The following GRM8 variants were observed in gnomAD, a reference collection of about 807,000 sequenced individuals.
GRM8 encodes metabotropic glutamate receptor 8.
A neutral mutation model predicts 87.2 loss-of-function variants in GRM8; 47 were observed. The ratio of observed to expected loss-of-function variants is 0.54; its 90% CI spans 0.43 to 0.69. The LOEUF (loss-of-function observed/expected upper bound fraction) is 0.69. Ranked by LOEUF, GRM8 falls within the 30% of genes least tolerant of loss-of-function variation. GRM8 has a pLI of 0.00. For synonymous variants in GRM8, 396 were observed against 404.5 expected, an observed-to-expected ratio of 0.98 and a Z score of 0.25; for missense variants, 1,019 against 1,139.2, an observed-to-expected ratio of 0.89 and a Z score of 1.52.
At chr7:126,667,936 C>T (rs972589567) in intron 7 of GRM8, among the ~76,000 whole-genome samples, 3 of 152,214 alleles carry the variant, frequency 2.0e-5, no homozygotes, top group Admixed American at 6.5e-5. Flanking sequence ...ACTTTTGCTT[C>T]GACCTTTATC....
In GRM8 at chr7:126,474,249, C is replaced by T. The variant is rs529595027; in HGVS notation, c.2431-27877G>A. Among the ~76,000 whole-genome samples, 132 of 144,080 alleles carry T rather than the reference C, an allele frequency of 9.2e-4. 1 individual carries two copies. The highest frequency in any genetic ancestry group is 3.5e-3 in the African/African-American group (129 of 36,452). 94.5% of individuals were successfully genotyped at this position (144,080 alleles called of 152,430 possible). A position where few individuals can be genotyped will look rare whatever the true frequency, so the allele number is the denominator to read the frequency against. On this transcript the variant is annotated intron_variant, in intron 9 of 10. Transcript: ENST00000339582. ...GTACACACATTCATATATGTTTGTG[C>T]ATGTGTGTGTGTGTGTGTGTATATA...
At chr7:127,093,608 C>T (rs954236409) in intron 3 of GRM8, among the ~76,000 whole-genome samples, 42 of 152,200 alleles carry the variant, frequency 2.8e-4, no homozygotes, top group African/African-American at 9.7e-4. Flanking sequence ...ATCTGAGCTG[C>T]TACAAGAGAG....
rs774664975 is a variant in GRM8, at chr7:126,717,843, TAAC to T, written c.1357+52019_1357+52021del. Among the ~76,000 whole-genome samples, 47 of 152,314 alleles carry T rather than the reference TAAC, an allele frequency of 3.1e-4. No individual in the cohort carries two copies. In the South Asian group the frequency reaches 7.0e-3, roughly 23 times the overall value. On this transcript the variant is annotated intron_variant, in intron 7 of 10. Coordinates refer to ENST00000339582, the MANE Select transcript of GRM8 (RefSeq NM_000845.3). ...AGAAACCGTGCTAAGAACATAAATTTAACATCATCTAAACTCTTTGCTTATTTC... is the reference window on the plus strand; with the variant it reads ...AGAAACCGTGCTAAGAACATAAATTTATCATCTAAACTCTTTGCTTATTTC...
At chr7:127,102,215 T>C (rs995503024) in intron 3 of GRM8, among the ~76,000 whole-genome samples, 4 of 152,172 alleles carry the variant, frequency 2.6e-5, no homozygotes, top group Non-Finnish European at 5.9e-5. Flanking sequence ...CTGCAACTTA[T>C]ATTTAAAAGG....
At chr7:127,212,178 A>T (rs1222700365) in intron 2 of GRM8, among the ~76,000 whole-genome samples, 2 of 152,184 alleles carry the variant, frequency 1.3e-5, no homozygotes, top group Non-Finnish European at 2.9e-5. Flanking sequence ...TATATTTTCA[A>T]TTCTATTACT....
chr7:126,901,920 C>T (rs1438518864), intron 6 of GRM8, among the ~76,000 whole-genome samples: 3 of 151,706 alleles, frequency 2.0e-5, no homozygotes, highest in Non-Finnish European at 4.4e-5. Context: ...CTGCTCAGTT[C>T]TAAGTAACTC....
chr7:126,564,291 G>A (rs1473450267), intron 8 of GRM8, among the ~76,000 whole-genome samples: 1 of 152,148 alleles, frequency 6.6e-6, no homozygotes, highest in Non-Finnish European at 1.5e-5. Flanking sequence ...AGTTGAAGCT[G>A]AACTCAACTC....
chr7:126,975,446 T>G (rs1287866461), intron 3 of GRM8, among the ~76,000 whole-genome samples: 1 of 152,206 alleles, frequency 6.6e-6, no homozygotes, highest in Non-Finnish European at 1.5e-5. Context: ...TAGGCTTCTA[T>G]TTTCCGTCTT....
intron 3 of GRM8, among the ~76,000 whole-genome samples, chr7:126,999,848 A>G (rs531355867): frequency 9.2e-5 from 14 of 151,866 alleles, no homozygotes; most frequent in Non-Finnish European, 1.8e-4. Context: ...AAAACTGAAA[A>G]TAGAGTGACT....
intron 9 of GRM8, among the ~76,000 whole-genome samples, chr7:126,450,619 G>T (rs1028614555): frequency 1.1e-4 from 16 of 147,918 alleles, no homozygotes; most frequent in African/African-American, 3.9e-4. Flanking sequence ...TTTACTACTA[G>T]AAGTGATTTT....
chr7:126,845,373 G>C (rs1238739546), intron 6 of GRM8, among the ~76,000 whole-genome samples: 1 of 152,158 alleles, frequency 6.6e-6, no homozygotes, highest in Non-Finnish European at 1.5e-5. Context: ...TCTATGAGCA[G>C]CTCTTCCATC....
intron 3 of GRM8, among the ~76,000 whole-genome samples, chr7:127,017,933 C>T (rs1815849952): frequency 6.6e-6 from 1 of 151,910 alleles, no homozygotes; most frequent in African/African-American, 2.4e-5. Flanking sequence ...GAAAATCCAA[C>T]AAAATATATT....
At chr7:126,597,955 T>A (rs2299473) in intron 8 of GRM8, among the ~76,000 whole-genome samples, 80,950 of 151,760 alleles carry the variant, frequency 0.53, 21,885 homozygotes, top group South Asian at 0.65. Context: ...CTATTTTCAA[T>A]TATACAATAA....
chr7:126,862,874 G>T (rs1429075492), intron 6 of GRM8, among the ~76,000 whole-genome samples: 1 of 151,778 alleles, frequency 6.6e-6, no homozygotes, highest in Non-Finnish European at 1.5e-5. Context: ...TTTGCCATGG[G>T]CTTGTCTATT....
chr7:126,970,755 A>C (rs914132256), intron 3 of GRM8, among the ~76,000 whole-genome samples: 6 of 152,092 alleles, frequency 3.9e-5, no homozygotes, highest in African/African-American at 1.4e-4. Context: ...TGCTTTCCTC[A>C]CCAAGCTTCA....
intron 3 of GRM8, among the ~76,000 whole-genome samples, chr7:126,918,178 G>C (rs942610586): frequency 5.3e-5 from 8 of 152,190 alleles, no homozygotes; most frequent in African/African-American, 1.9e-4. Context: ...CTTGCCAGCG[G>C]CCTTGGAATT....
intron 3 of GRM8, among the ~76,000 whole-genome samples, chr7:126,941,576 C>T (rs1238643350): frequency 6.7e-6 from 1 of 150,354 alleles, no homozygotes; most frequent in Non-Finnish European, 1.5e-5. Flanking sequence ...GCGGAGATCG[C>T]ACCACTGCAC....
At chr7:126,801,097 C>T (rs548090036) in intron 6 of GRM8, among the ~76,000 whole-genome samples, 7 of 151,954 alleles carry the variant, frequency 4.6e-5, no homozygotes, top group African/African-American at 1.7e-4. Flanking sequence ...AATATGCATA[C>T]GAAAAGTGTT....
At chr7:127,068,952 C>A (rs1821402960) in intron 3 of GRM8, among the ~76,000 whole-genome samples, 1 of 152,122 alleles carries the variant, frequency 6.6e-6, no homozygotes, top group African/African-American at 2.4e-5. Flanking sequence ...CACTAAAACA[C>A]TGACATAAAG....
Sources: gnomAD v4.1 joint callset for allele counts (sites outside exome capture counted in the v4.1 genomes callset) on GRCh38, gnomAD v4.1.1 for gene constraint, MANE v1.5 for transcripts, NCBI Gene and HGNC (gene_info 2026-07-23, HGNC 2026-07-21) for gene names.